OSBPL1A: variants seen among roughly 807,000 people sequenced by gnomAD.
OSBPL1A encodes oxysterol-binding protein-related protein 1.
A neutral mutation model predicts 137.1 loss-of-function variants in OSBPL1A; 80 were observed. That is an observed-to-expected ratio of 0.58 (90% CI 0.49 to 0.70). The LOEUF is 0.70. Ranked by LOEUF, OSBPL1A falls within the 30% of genes least tolerant of loss-of-function variation. The pLI, the probability that OSBPL1A is intolerant of heterozygous loss-of-function variation, is 0.00. For synonymous variants in OSBPL1A, 365 were observed against 389.7 expected (o/e 0.94, Z 0.75); for missense variants, 970 against 1,129.4 (o/e 0.86, Z 2.02).
intron 4 of OSBPL1A, among the ~76,000 whole-genome samples, chr18:24,353,236 C>T (rs1460306162): frequency 6.6e-6 from 1 of 152,096 alleles, no homozygotes; most frequent in African/African-American, 2.4e-5. Context: ...AAACAAACAA[C>T]CCCATCAAAA....
chr18:24,326,773 G>C (rs1369961919), intron 7 of OSBPL1A, among the ~76,000 whole-genome samples: 1 of 152,090 alleles, frequency 6.6e-6, no homozygotes. Flanking sequence ...TTATATTCTT[G>C]AGGTAGTATC....
chr18:24,301,823 G>A (rs2090406025), intron 14 of OSBPL1A, among the ~76,000 whole-genome samples: 1 of 152,182 alleles, frequency 6.6e-6, no homozygotes, highest in East Asian at 1.9e-4. Flanking sequence ...CACTTGGACA[G>A]ATACAGAATA....
intron 17 of OSBPL1A, among the ~76,000 whole-genome samples, chr18:24,197,010 C>A (rs1263952501): frequency 6.6e-6 from 1 of 152,188 alleles, no homozygotes; most frequent in Non-Finnish European, 1.5e-5. Context: ...AGGGGTGGTG[C>A]AAGAGGTGCC....
At chr18:24,210,301 T>C (rs1270035583) in intron 17 of OSBPL1A, among the ~76,000 whole-genome samples, 5 of 152,018 alleles carry the variant, frequency 3.3e-5, no homozygotes, top group Non-Finnish European at 7.4e-5. Flanking sequence ...GGTGGGGGCC[T>C]GTAATCCCAA....
chr18:24,330,074 C>G (rs1599675453), intron 7 of OSBPL1A, among the ~76,000 whole-genome samples: 2 of 152,240 alleles, frequency 1.3e-5, no homozygotes, highest in African/African-American at 2.4e-5. Context: ...CTTTTTGGTA[C>G]TGAATATGAT....
intron 1 of OSBPL1A, among the ~76,000 whole-genome samples, chr18:24,393,932 CAGG>C (rs1328621878): frequency 6.6e-6 from 1 of 152,128 alleles, no homozygotes; most frequent in African/African-American, 2.4e-5. Flanking sequence ...TTAAGGAAAA[CAGG>C]AGCAAATTAT....
rs548653534 is a variant in OSBPL1A at position 24,344,307 on chromosome 18, G to A, written c.283-2649C>T. Among the ~76,000 whole-genome samples, 25 of 152,144 alleles carry A rather than the reference G, an allele frequency of 1.6e-4. No homozygotes were observed. The South Asian group carries it at 4.1e-3, about 25-fold the overall frequency. Reference sequence around the variant, plus strand: ...CCTACCAAAAATACAAAAATTAGCCGGGCATGGTGGCATATGCCGGTAGTC... The same window carrying A: ...CCTACCAAAAATACAAAAATTAGCCAGGCATGGTGGCATATGCCGGTAGTC... On this transcript the variant is annotated intron_variant, in intron 4 of 27. Transcript: ENST00000319481.
intron 16 of OSBPL1A, 86 bp from the exon 17 acceptor site, chr18:24,225,284 C>G: frequency 6.9e-7 from 1 of 1,441,462 alleles, no homozygotes; most frequent in Non-Finnish European, 9.6e-7. Context: ...ATGCCTCAGG[C>G]TTTGAAACCT....
chr18:24,349,391 C>T lies in OSBPL1A; in HGVS notation c.283-7733G>A, dbSNP rs540011496. Among the ~76,000 whole-genome samples the T allele has an allele frequency of 3.7e-4, 56 of 152,246 alleles. No individual in the cohort carries two copies. In the South Asian group the frequency reaches 8.9e-3, roughly 24 times the overall value. The stretch of plus-strand genomic sequence containing the variant: ...ATATCCTCAGAGAAGTGAGAAATTT[C>T]TTCATTAACCAAGATTGGATGCTAT... On this transcript the variant is annotated intron_variant, in intron 4 of 27. Coordinates refer to ENST00000319481, the MANE Select transcript of OSBPL1A (RefSeq NM_080597.4).
intron 14 of OSBPL1A, among the ~76,000 whole-genome samples, chr18:24,286,803 T>G (rs934594261): frequency 3.3e-5 from 5 of 152,160 alleles, no homozygotes; most frequent in Non-Finnish European, 7.3e-5. Context: ...GGTGAGAGGT[T>G]TTCATCTGCC....
chr18:24,163,300 C>A lies in OSBPL1A; in HGVS notation c.2751-19G>T, dbSNP rs776335313. On this transcript the variant is annotated intron_variant, in intron 27 of 27. Transcript: ENST00000319481. ...GAACCACCTGTTAAAAGAAAAAGGA[C>A]AAGACTTACAGGGGAAACTATGGAA... The A allele has an allele frequency of 1.1e-5, 17 of 1,543,282 alleles. No individual in the cohort carries two copies. In the African/African-American group the frequency reaches 2.1e-4, roughly 19 times the overall value.
chr18:24,196,198 G>T lies in OSBPL1A; in HGVS notation c.1604C>A (p.Thr535Lys). Residue 535 changes from threonine (T) to lysine (K), a missense_variant and splice_region_variant, in exon 18 of 28, where the codon ACA becomes AAA. Around this residue, in one of 2 missense-constraint regions of OSBPL1A, gnomAD observed 647 missense variants for 672.6 expected, o/e 0.96. Coordinates refer to ENST00000319481, the MANE Select transcript of OSBPL1A (RefSeq NM_080597.4). ...GGAAAACATAGGAGAAGGCAAACTT[G>T]TTCTGAAAAAAGAAAAGAAAAACAT... Reference protein sequence around the residue: ...ALSNGIKKHRTSLPSPMFSRN... With the variant: ...ALSNGIKKHRKSLPSPMFSRN... 1 of 1,604,922 alleles carries T rather than the reference G, an allele frequency of 6.2e-7. No individual in the cohort carries two copies. The highest frequency in any genetic ancestry group is 8.5e-7 in the Non-Finnish European group (1 of 1,176,554).
In OSBPL1A at chr18:24,221,300, A is replaced by G. The variant is rs183673703; in HGVS notation, c.1601+3742T>C. Among the ~76,000 whole-genome samples, 4 of 152,148 alleles carry G rather than the reference A, an allele frequency of 2.6e-5. No homozygotes were observed. In the East Asian group the frequency reaches 7.7e-4, roughly 29 times the overall value. On this transcript the variant is annotated intron_variant, in intron 17 of 27. Coordinates refer to ENST00000319481, the MANE Select transcript of OSBPL1A (RefSeq NM_080597.4). ...TGTGCAGTGACAACTGTTATGTTAC[A>G]CTCCTCTTTCCTGCGGCTAAGAACT... is the stretch of plus-strand genomic sequence containing the variant.
chr18:24,225,029 G>A lies in OSBPL1A; in HGVS notation c.1601+13C>T. On this transcript the variant is annotated intron_variant, in intron 17 of 27. Transcript: ENST00000319481. The stretch of plus-strand genomic sequence containing the variant: ...AAAAACGCAGCAGTGACAACTGTCA[G>A]AGGCGATCCTACCTGTGTTTCTTGA... The A allele has an allele frequency of 6.2e-7, 1 of 1,613,976 alleles. No homozygotes were observed. Among genetic ancestry groups the A allele is most frequent in the African/African-American group, 1.3e-5 (1 of 75,052 alleles).
intron 17 of OSBPL1A, among the ~76,000 whole-genome samples, chr18:24,212,460 G>T (rs932631290): frequency 6.6e-6 from 1 of 152,112 alleles, no homozygotes; most frequent in African/African-American, 2.4e-5. Context: ...TAATAAGACA[G>T]AATTCAAAAA....
chr18:24,295,909 T>C (rs868483992), intron 14 of OSBPL1A, among the ~76,000 whole-genome samples: 1 of 152,042 alleles, frequency 6.6e-6, no homozygotes. Context: ...TAACTAGAGC[T>C]CTGCAGTATA....
intron 1 of OSBPL1A, among the ~76,000 whole-genome samples, chr18:24,382,108 G>T (rs1002854070): frequency 6.6e-6 from 1 of 150,850 alleles, no homozygotes. Flanking sequence ...CAAAAAATCA[G>T]CTAGGCATGA....
At chr18:24,224,970 A>G (rs772710051) in intron 17 of OSBPL1A, 72 bp downstream of exon 17, 51 of 1,575,024 alleles carry the variant, frequency 3.2e-5, no homozygotes, top group South Asian at 4.6e-5. Flanking sequence ...GACAAGACAT[A>G]TATTTCTTTA....
chr18:24,286,227 A>G (rs1324789284), intron 14 of OSBPL1A, among the ~76,000 whole-genome samples: 1 of 152,134 alleles, frequency 6.6e-6, no homozygotes, highest in Non-Finnish European at 1.5e-5. Context: ...GAAAATCAGT[A>G]CTCTCTTTTC....
Sources: gnomAD v4.1 joint callset for allele counts (sites outside exome capture counted in the v4.1 genomes callset) on GRCh38, gnomAD v4.1.1 for gene constraint, gnomAD v4.1.1 regional missense constraint, MANE v1.5 for transcripts, NCBI Gene and HGNC (gene_info 2026-07-23, HGNC 2026-07-21) for gene names.